Variants in PLCB2 observed in about 807,000 individuals in gnomAD.
The protein encoded by PLCB2 is phospholipase C beta 2.
A neutral mutation model predicts 141.7 loss-of-function variants in PLCB2; 115 were observed. That is an observed-to-expected ratio of 0.81 (90% CI 0.70 to 0.95). The LOEUF is 0.95. PLCB2 is among the 40% of genes least tolerant of loss of function. The pLI is 0.00. For synonymous variants in PLCB2, 603 were observed against 595.6 expected (o/e 1.01, Z -0.18); for missense variants, 1,403 against 1,541.1 (o/e 0.91, Z 1.50).
At chr15:40,294,010 C>A (rs2040068416) in intron 19 of PLCB2, among the ~76,000 whole-genome samples, 1 of 152,176 alleles carries the variant, frequency 6.6e-6, no homozygotes, top group Non-Finnish European at 1.5e-5. Flanking sequence ...TCCGGCTGCC[C>A]CACTCTGCCC....
chr15:40,290,921 C>T (rs1595632254), intron 27 of PLCB2, 84 bp from the exon 28 acceptor site: 13 of 861,266 alleles, frequency 1.5e-5, no homozygotes, highest in East Asian at 3.8e-5. Flanking sequence ...GGAGGGGAGT[C>T]GGTGAGGGGG....
At chr15:40,290,223 G>A (rs1256154137) in intron 29 of PLCB2, 141 bp from the exon 30 acceptor site, 1 of 680,750 alleles carries the variant, frequency 1.5e-6, no homozygotes, top group Non-Finnish European at 2.7e-6. Flanking sequence ...GGGACCCAAG[G>A]AGTATGTAGG....
rs1401783639 is a variant in PLCB2 at position 40,290,783 on chromosome 15, C to A, written c.3091G>T (p.Ala1031Ser). 3 of 1,613,772 alleles carry A rather than the reference C, an allele frequency of 1.9e-6. No individual in the cohort carries two copies. In the African/African-American group the frequency reaches 4.0e-5, roughly 22 times the overall value. The change falls in exon 28 of 32, where the codon GCC becomes TCC. Residue 1031 changes from alanine to serine, a missense_variant. Physicochemically the swap from Ala to Ser is moderately conservative, Grantham distance 99 (BLOSUM62 1). This residue lies in a region of PLCB2 where 290 missense variants were observed against 245.9 expected (regional missense o/e 1.18). Transcript: ENST00000260402. ...TACTTCTCCGACGTCTCCTTCAGGG[C>A]CTTCAGCTCTGCCGCCTGTTTCTCT... is the stretch of plus-strand genomic sequence containing the variant. ...AREKQAAELK[A>S]LKETSENDTK... is the part of the protein sequence containing the mutation.
chr15:40,289,956 AGAGAGAGAGAGAGTGTGT>A (rs1234750330), intron 30 of PLCB2, 51 bp downstream of exon 30: 6 of 664,198 alleles, frequency 9.0e-6, no homozygotes, highest in African/African-American at 2.6e-5. Context: ...AGAGAGAGAG[AGAGAGAGAGAGAGTGTGT>A]GTGTGTGTGT....
Position 40,302,483 on chromosome 15 carries a change from C to T in PLCB2, c.358G>A (p.Glu120Lys). ...CCCTGGCACACCTTGCCCACGTTCT[C>T]CTTGTAGGAGACGAAGTTGTGGAAG... ...LTFHNFVSYKENVGKAWAEDV... is the reference protein window; with the variant it reads ...LTFHNFVSYKKNVGKAWAEDV... The change falls in exon 4 of 32, where the codon GAG (glutamate) becomes AAG (lysine). Residue 120 changes from glutamate to lysine, a missense_variant. Glu to Lys is a moderately conservative substitution (Grantham distance 56). Around this residue, in one of 4 missense-constraint regions of PLCB2, gnomAD observed 975 missense variants for 1,141.1 expected, o/e 0.85. Transcript: ENST00000260402. 6.2e-7 allele frequency: 1 copy of T among 1,614,114 alleles called. No individual in the cohort carries two copies. The highest frequency in any genetic ancestry group is 1.7e-4 in the Middle Eastern group (1 of 6,060).
At chr15:40,307,305 T>C (rs2040847954) in intron 1 of PLCB2, among the ~76,000 whole-genome samples, 1 of 151,994 alleles carries the variant, frequency 6.6e-6, no homozygotes, top group African/African-American at 2.4e-5. Context: ...TCTTGGGGGT[T>C]TGAAGGAGAA....
At chr15:40,285,414 C>T, downstream of PLCB2, 1 of 551,734 alleles carries the variant, frequency 1.8e-6, no homozygotes, top group Non-Finnish European at 2.3e-6. Flanking sequence ...AAATACCAGC[C>T]CTGCCTGCTT....
intron 7 of PLCB2, chr15:40,301,169 T>C: frequency 5.2e-6 from 1 of 191,544 alleles, no homozygotes; most frequent in South Asian, 9.2e-5. Context: ...GGGTAAATGC[T>C]CCTCCTGGGA....
downstream of PLCB2, chr15:40,284,584 G>A (rs550974588): frequency 8.8e-6 from 4 of 454,196 alleles, no homozygotes; most frequent in Non-Finnish European, 1.8e-5. Flanking sequence ...GCTCACGCCT[G>A]TAATCCCAGC....
rs566676516 is a variant in PLCB2 at position 40,295,549 on chromosome 15, T to C, written c.1697-264A>G. ...GAGAGTGAGACCCACATGCCATAGA[T>C]GGGCACAGAGGGTATGGGGAACATG... On this transcript the variant is annotated intron_variant, in intron 16 of 31. Transcript: ENST00000260402. 1.2e-3 allele frequency among the ~76,000 whole-genome samples: 185 copies of C among 152,236 alleles called. 5 individuals carry two copies. The South Asian group carries it at 0.038, about 31-fold the overall frequency.
At chr15:40,302,644 G>A (rs72731487) in intron 3 of PLCB2, 35 bp from the exon 4 acceptor site, 56,721 of 1,609,954 alleles carry the variant, frequency 0.035, 1,155 homozygotes, top group Non-Finnish European at 0.042. Flanking sequence ...GGATGGAGGT[G>A]TGCTCCCTCC....
In PLCB2 at chr15:40,296,406, G is replaced by A. The variant is rs1253015946; in HGVS notation, c.1600-14C>T. The A allele has an allele frequency of 5.6e-6, 9 of 1,613,632 alleles. No homozygotes were observed. The highest frequency in any genetic ancestry group is 6.8e-6 in the Non-Finnish European group (8 of 1,179,696). On this transcript the variant is annotated splice_polypyrimidine_tract_variant and intron_variant, in intron 15 of 31. Coordinates refer to ENST00000260402, the MANE Select transcript of PLCB2 (RefSeq NM_004573.3). ...GCCCGCTGTGCCCTAAGGAGAAGAGGGGAGGGCAAAGAAGAGGAGGATGGT... is the reference window on the plus strand; with the variant it reads ...GCCCGCTGTGCCCTAAGGAGAAGAGAGGAGGGCAAAGAAGAGGAGGATGGT...
rs201429769 is a variant in PLCB2, at chr15:40,302,285, G to A, written c.437C>T (p.Thr146Ile). 9.3e-5 allele frequency: 150 copies of A among 1,614,078 alleles called. No individual in the cohort carries two copies. The highest frequency in any genetic ancestry group is 1.2e-4 in the Non-Finnish European group (137 of 1,180,026). ...HPLTANASRS[T>I]FLDKILVKLK... ...GGGCACTTACATCTTGTCCAGGAAG[G>A]TGCTGCGGGAGGCGTTGGCCGTCAG... is the stretch of plus-strand genomic sequence containing the variant. Residue 146 changes from threonine to isoleucine, a missense_variant, in exon 5 of 32, where the codon ACC becomes ATC. Physicochemically the swap from Thr to Ile is moderately conservative, Grantham distance 89 (BLOSUM62 -1). Transcript: ENST00000260402.
chr15:40,303,440 A>T, intron 2 of PLCB2, 84 bp from the exon 3 acceptor site: 1 of 970,190 alleles, frequency 1.0e-6, no homozygotes, highest in Admixed American at 1.8e-5. Context: ...AATAGGGAGA[A>T]GGGAGCTTCC....
downstream of PLCB2, among the ~76,000 whole-genome samples, chr15:40,285,135 A>C (rs186624647): frequency 6.6e-6 from 1 of 152,174 alleles, no homozygotes; most frequent in Non-Finnish European, 1.5e-5. Context: ...GGGGATGTCC[A>C]CCTTGAATTT....
Position 40,295,270 on chromosome 15 carries a change from T to G in PLCB2, c.1712A>C (p.Tyr571Ser). Residue 571 changes from tyrosine to serine, a missense_variant, in exon 17 of 32, where the codon TAT (tyrosine) becomes TCT (serine). Around this residue, in one of 4 missense-constraint regions of PLCB2, gnomAD observed 975 missense variants for 1,141.1 expected, o/e 0.85. Coordinates refer to ENST00000260402, the MANE Select transcript of PLCB2 (RefSeq NM_004573.3). ...GAGCTCTGTGAAGGACGAGATGACA[T>G]AACTTCGGTTCTTTTCTATATAGGG... ...FEFSAQKNRS[Y>S]VISSFTELKA... 6.2e-7 allele frequency: 1 copy of G among 1,612,980 alleles called. No homozygotes were observed. Among genetic ancestry groups the G allele is most frequent in the Non-Finnish European group, 8.5e-7 (1 of 1,178,952 alleles).
intron 3 of PLCB2, among the ~76,000 whole-genome samples, chr15:40,303,084 C>T (rs1042754938): frequency 2.0e-5 from 3 of 152,182 alleles, no homozygotes; most frequent in East Asian, 1.9e-4. Context: ...GCTCACTGTG[C>T]GCAGTTCTGA....
Position 40,296,800 on chromosome 15 carries a change from C to A in PLCB2, c.1432G>T (p.Gly478Cys). 6.2e-7 allele frequency: 1 copy of A among 1,614,154 alleles called. No individual in the cohort carries two copies. Among genetic ancestry groups the A allele is most frequent in the East Asian group, 2.2e-5 (1 of 44,874 alleles). Residue 478 changes from glycine (G) to cysteine (C), a missense_variant, in exon 14 of 32, where the codon GGT (glycine) becomes TGT (cysteine). Coordinates refer to ENST00000260402, the MANE Select transcript of PLCB2 (RefSeq NM_004573.3). ...GGGCTGCTGCCCTCAGCCTCCCCAC[C>A]AGTATCCTTACTGGAGGAGGTGGGG... ...SGPTSSSKDT[G>C]GEAEGSSPPS...
intron 1 of PLCB2, among the ~76,000 whole-genome samples, chr15:40,305,286 T>A (rs1324850618): frequency 6.6e-6 from 1 of 151,844 alleles, no homozygotes; most frequent in Non-Finnish European, 1.5e-5. Context: ...TGTCAACCTG[T>A]CATCTAGGTT....
Sources: gnomAD v4.1 joint callset for allele counts (sites outside exome capture counted in the v4.1 genomes callset) on GRCh38, gnomAD v4.1.1 for gene constraint, gnomAD v4.1.1 regional missense constraint, MANE v1.5 for transcripts, NCBI Gene and HGNC (gene_info 2026-07-23, HGNC 2026-07-21) for gene names.